Variants in RARS2 observed in about 807,000 individuals in gnomAD.
The protein encoded by RARS2 is probable arginine--tRNA ligase, mitochondrial.
A neutral mutation model predicts 88.5 loss-of-function variants in RARS2; 67 were observed. The ratio of observed to expected loss-of-function variants is 0.76; its 90% CI spans 0.62 to 0.93. The LOEUF is 0.93. Ranked by LOEUF, RARS2 falls within the 40% of genes least tolerant of loss-of-function variation. The probability of loss-of-function intolerance (pLI) is 0.00; values close to 1 mark genes in which losing one functional copy is unlikely to be tolerated. For missense variants in RARS2, 664 were observed against 684.2 expected (o/e 0.97, Z 0.33); for synonymous variants, 239 against 230.3 (o/e 1.04, Z -0.34).
chr6:87,584,409 C>T lies in RARS2; in HGVS notation c.36+5513G>A, dbSNP rs774458855. Among the ~76,000 whole-genome samples, 52 of 152,170 alleles carry T rather than the reference C, an allele frequency of 3.4e-4. 1 individual carries two copies. Among genetic ancestry groups the T allele is most frequent in the African/African-American group, 1.1e-3 (45 of 41,442 alleles). On this transcript the variant is annotated intron_variant, in intron 1 of 19. Transcript: ENST00000369536. ...AAGCACTGTTATCTTTATCTCATTA[C>T]ATTTTATTAATAGCCCTATAAAGCA...
At chr6:87,524,952 G>T (rs1775171001) in intron 10 of RARS2, among the ~76,000 whole-genome samples, 2 of 152,166 alleles carry the variant, frequency 1.3e-5, no homozygotes, top group Non-Finnish European at 2.9e-5. Flanking sequence ...CAGCTGCATT[G>T]TAACTATGAA....
At chr6:87,519,433 C>A (rs2128005655) in intron 14 of RARS2, 150 bp downstream of exon 14, 1 of 788,942 alleles carries the variant, frequency 1.3e-6, no homozygotes, top group Non-Finnish European at 2.1e-6. Context: ...TATAAAAATT[C>A]TGGCACCTCT....
rs778776672 is a variant in RARS2, at chr6:87,514,989, G to A, written c.1618C>T (p.Gln540Ter). 1 of 1,613,438 alleles carries A rather than the reference G, an allele frequency of 6.2e-7. No individual in the cohort carries two copies. The highest frequency in any genetic ancestry group is 1.1e-5 in the South Asian group (1 of 91,064). ...ACTTCAGGAGGACTATCTTTTATTTGTAGTGTTTTGTGTGCCACAGCTGCA... is the reference window on the plus strand; with the variant it reads ...ACTTCAGGAGGACTATCTTTTATTTATAGTGTTTTGTGTGCCACAGCTGCA... ...HLAAVAHKTL[Q>*]IKDSPPEVAG... The change falls in exon 19 of 20, where the codon CAA (glutamine) becomes TAA (stop). Residue 540 changes from glutamine (Q) to a stop codon, truncating the protein, a stop_gained. Coordinates refer to ENST00000369536, the MANE Select transcript of RARS2 (RefSeq NM_020320.5). LOFTEE classifies it high-confidence loss of function.
At chr6:87,529,251 T>C (rs944082048) in intron 10 of RARS2, among the ~76,000 whole-genome samples, 1 of 152,218 alleles carries the variant, frequency 6.6e-6, no homozygotes, top group African/African-American at 2.4e-5. Context: ...ATATTTCCTT[T>C]TTTCAGTTAT....
chr6:87,515,393 G>A (rs927547170), intron 18 of RARS2, among the ~76,000 whole-genome samples: 1 of 151,936 alleles, frequency 6.6e-6, no homozygotes, highest in African/African-American at 2.4e-5. Flanking sequence ...GGTGGCATGC[G>A]CCTGTAGTCC....
intron 10 of RARS2, among the ~76,000 whole-genome samples, chr6:87,527,180 G>A (rs1324249617): frequency 6.6e-6 from 1 of 151,894 alleles, no homozygotes; most frequent in African/African-American, 2.4e-5. Context: ...ATGGTGGCAC[G>A]CGCTTGTAAT....
chr6:87,528,950 TATCAA>T (rs1776596029), intron 10 of RARS2, among the ~76,000 whole-genome samples: 1 of 152,220 alleles, frequency 6.6e-6, no homozygotes, highest in Admixed American at 6.5e-5. Flanking sequence ...AGTGTGCATA[TATCAA>T]ATCATGTTGT....
intron 1 of RARS2, among the ~76,000 whole-genome samples, chr6:87,582,177 A>G (rs879969887): frequency 6.6e-6 from 1 of 152,216 alleles, no homozygotes; most frequent in South Asian, 2.1e-4. Context: ...TTGAGGAACC[A>G]TGACACTGTC....
intron 2 of RARS2, among the ~76,000 whole-genome samples, chr6:87,568,566 G>A (rs935917502): frequency 8.5e-5 from 13 of 152,098 alleles, no homozygotes; most frequent in South Asian, 2.1e-4. Context: ...TAGATTTTAC[G>A]AAATAGGCAA....
At position 87,558,549 on chromosome 6, in the gene RARS2, G is replaced by C. The variant is rs112490763; in HGVS notation, c.298-3044C>G. 9.6e-3 allele frequency among the ~76,000 whole-genome samples: 1,469 copies of C among 152,286 alleles called. 12 individuals carry two copies. The highest frequency in any genetic ancestry group is 0.034 in the African/African-American group (1,410 of 41,540). On this transcript the variant is annotated intron_variant, in intron 4 of 19. Coordinates refer to ENST00000369536, the MANE Select transcript of RARS2 (RefSeq NM_020320.5). ...TAATGCACCAAGTAACAATGTGTCA[G>C]TCAGTGATGAACCACATATATACAA... is the stretch of plus-strand genomic sequence containing the variant.
chr6:87,525,620 C>A (rs1321003414), intron 10 of RARS2, among the ~76,000 whole-genome samples: 1 of 151,210 alleles, frequency 6.6e-6, no homozygotes, highest in East Asian at 1.9e-4. Flanking sequence ...ACGATCTCAG[C>A]TCATTGCAAC....
chr6:87,545,194 T>C (rs955448611), intron 7 of RARS2, among the ~76,000 whole-genome samples: 1 of 152,178 alleles, frequency 6.6e-6, no homozygotes, highest in African/African-American at 2.4e-5. Flanking sequence ...CACGATCCTC[T>C]TACCTCAGGC....
chr6:87,523,100 G>T (rs1015542312), intron 11 of RARS2, among the ~76,000 whole-genome samples: 1 of 152,114 alleles, frequency 6.6e-6, no homozygotes, highest in African/African-American at 2.4e-5. Context: ...TCACAAAAAT[G>T]ATGTCACAAA....
At chr6:87,534,992 G>C (rs1019711331) in intron 8 of RARS2, among the ~76,000 whole-genome samples, 4 of 152,208 alleles carry the variant, frequency 2.6e-5, no homozygotes, top group Admixed American at 1.3e-4. Flanking sequence ...AGTCCTCTAG[G>C]ACTGTCCTAG....
intron 5 of RARS2, among the ~76,000 whole-genome samples, chr6:87,553,422 A>AT (rs35755936): frequency 2.0e-5 from 3 of 151,358 alleles, no homozygotes; most frequent in Admixed American, 6.6e-5. Context: ...AGAAGCTGGC[A>AT]TTTTTTTTTC....
intron 8 of RARS2, among the ~76,000 whole-genome samples, chr6:87,539,078 GATAA>G (rs1305899548): frequency 6.9e-6 from 1 of 143,970 alleles, no homozygotes; most frequent in Non-Finnish European, 1.5e-5. Flanking sequence ...ATAAATAAAA[GATAA>G]AAATAAAATG....
At chr6:87,567,732 T>C (rs1768342523) in intron 2 of RARS2, among the ~76,000 whole-genome samples, 2 of 152,210 alleles carry the variant, frequency 1.3e-5, no homozygotes, top group Non-Finnish European at 2.9e-5. Context: ...TTCAGATTTG[T>C]AGGCCAGAAA....
At chr6:87,578,454 G>A (rs988991371) in intron 1 of RARS2, among the ~76,000 whole-genome samples, 13 of 152,114 alleles carry the variant, frequency 8.5e-5, no homozygotes, top group African/African-American at 2.7e-4. Flanking sequence ...TTTAAAATGA[G>A]CAGGCATTAT....
intron 10 of RARS2, among the ~76,000 whole-genome samples, chr6:87,528,901 G>GT (rs1248427749): frequency 6.6e-6 from 1 of 152,152 alleles, no homozygotes; most frequent in African/African-American, 2.4e-5. Flanking sequence ...AGTACGTAAG[G>GT]TGATGGGTAT....
Sources: allele counts gnomAD v4.1 joint callset (sites outside exome capture counted in the v4.1 genomes callset), GRCh38; gene constraint gnomAD v4.1.1; transcripts MANE v1.5; gene names NCBI Gene and HGNC (gene_info 2026-07-23, HGNC 2026-07-21).